Variants in USP7 observed in about 807,000 individuals in gnomAD.
The protein encoded by USP7 is ubiquitin C-terminal hydrolase 7.
Under a neutral mutation model 162.9 loss-of-function variants are expected in USP7, and 9 were observed. The ratio of observed to expected loss-of-function variants is 0.06; its 90% CI spans 0.03 to 0.10. The LOEUF is 0.10. Among genes scored for constraint, USP7 ranks in the 10% least tolerant of loss-of-function variants. The pLI, the probability that USP7 is intolerant of heterozygous loss-of-function variation, is 1.00. For synonymous variants in USP7, 562 were observed against 475.9 expected, an observed-to-expected ratio of 1.18 and a Z score of -2.35; for missense variants, 715 against 1,373.7, an observed-to-expected ratio of 0.52 and a Z score of 7.58.
chr16:8,940,951 A>G (rs1899016609), intron 1 of USP7, among the ~76,000 whole-genome samples: 1 of 152,130 alleles, frequency 6.6e-6, no homozygotes, highest in Non-Finnish European at 1.5e-5. Context: ...GGATACAATA[A>G]AGTCAGGAAT....
At chr16:8,904,591 AC>A in intron 14 of USP7, 26 bp from the exon 15 acceptor site, 1 of 1,611,564 alleles carries the variant, frequency 6.2e-7, no homozygotes. Context: ...ATCCTCTTTG[AC>A]CCCTGCAGAT....
At chr16:8,895,568 G>T in intron 27 of USP7, 74 bp downstream of exon 27, 3 of 1,223,344 alleles carry the variant, frequency 2.5e-6, no homozygotes, top group South Asian at 1.3e-5. Context: ...TGTACAACTT[G>T]CTGTGATATT....
chr16:8,934,460 A>C (rs1450419353), intron 1 of USP7, among the ~76,000 whole-genome samples: 1 of 152,262 alleles, frequency 6.6e-6, no homozygotes, highest in Non-Finnish European at 1.5e-5. Context: ...AACATCTTAC[A>C]GGATGGGGTG....
intron 2 of USP7, among the ~76,000 whole-genome samples, chr16:8,926,915 G>A (rs993828409): frequency 2.0e-5 from 3 of 152,158 alleles, no homozygotes; most frequent in African/African-American, 7.2e-5. Context: ...TTGTACCAGG[G>A]GCAGGGACAA....
intron 25 of USP7, among the ~76,000 whole-genome samples, chr16:8,897,512 G>A (rs1177615610): frequency 4.0e-5 from 6 of 151,354 alleles, no homozygotes; most frequent in African/African-American, 7.3e-5. Context: ...TTTATGTCTC[G>A]AATTTTCCCT....
At chr16:8,936,530 G>C in intron 1 of USP7, 2 of 1,481,342 alleles carry the variant, frequency 1.4e-6, no homozygotes, top group South Asian at 1.3e-5. Flanking sequence ...GTCAGTATTG[G>C]TTATCTCCAT....
At chr16:8,961,431 G>A (rs767223481) in intron 1 of USP7, among the ~76,000 whole-genome samples, 2 of 141,534 alleles carry the variant, frequency 1.4e-5, no homozygotes, top group African/African-American at 5.2e-5. Flanking sequence ...GACGGAGGTT[G>A]TAGTGACCCG....
At chr16:8,942,806 CAA>C (rs1027797513) in intron 1 of USP7, among the ~76,000 whole-genome samples, 45 of 152,304 alleles carry the variant, frequency 3.0e-4, no homozygotes, top group Admixed American at 2.3e-3. Flanking sequence ...GCTCGGCCTC[CAA>C]AAGTGTTGGG....
intron 30 of USP7, 109 bp downstream of exon 30, chr16:8,894,441 G>GGA: frequency 9.2e-7 from 1 of 1,091,076 alleles, no homozygotes; most frequent in Non-Finnish European, 1.3e-6. Context: ...GTCGGCCAGT[G>GGA]GAGAGAGAGG....
chr16:8,916,092 T>G (rs564052656), intron 8 of USP7, among the ~76,000 whole-genome samples: 2 of 152,342 alleles, frequency 1.3e-5, no homozygotes, highest in South Asian at 4.1e-4. Context: ...AATCACCGCA[T>G]GCTGAGGTCT....
At chr16:8,927,141 T>G (rs1000592865) in intron 2 of USP7, among the ~76,000 whole-genome samples, 16 of 151,834 alleles carry the variant, frequency 1.1e-4, no homozygotes, top group African/African-American at 3.9e-4. Flanking sequence ...GCCAACATAG[T>G]GAAACCCCGG....
chr16:8,921,602 G>C (rs960189026), intron 3 of USP7, among the ~76,000 whole-genome samples: 3 of 152,096 alleles, frequency 2.0e-5, no homozygotes, highest in Non-Finnish European at 4.4e-5. Context: ...TGCCGATATA[G>C]GGGTCACCTC....
At chr16:8,935,115 T>C (rs950683508) in intron 1 of USP7, among the ~76,000 whole-genome samples, 1 of 152,164 alleles carries the variant, frequency 6.6e-6, no homozygotes, top group African/African-American at 2.4e-5. Context: ...GTAAGAGTGA[T>C]GTAATACCAA....
intron 2 of USP7, among the ~76,000 whole-genome samples, chr16:8,925,520 T>C (rs1294207355): frequency 2.0e-5 from 3 of 152,200 alleles, no homozygotes; most frequent in Non-Finnish European, 4.4e-5. Flanking sequence ...TTTTGGAACT[T>C]TCACCCTATA....
intron 16 of USP7, among the ~76,000 whole-genome samples, chr16:8,902,896 C>G (rs1317285602): frequency 6.6e-6 from 1 of 152,024 alleles, no homozygotes; most frequent in African/African-American, 2.4e-5. Flanking sequence ...GAAAAAAAGA[C>G]TGTGATTCTA....
chr16:8,935,193 A>T (rs1433345655), intron 1 of USP7, among the ~76,000 whole-genome samples: 1 of 149,418 alleles, frequency 6.7e-6, no homozygotes, highest in Admixed American at 6.9e-5. Flanking sequence ...ACTTGAGCTA[A>T]GGCACTAATT....
chr16:8,927,330 A>G (rs766083555), intron 2 of USP7, among the ~76,000 whole-genome samples: 2 of 152,064 alleles, frequency 1.3e-5, no homozygotes, highest in Non-Finnish European at 2.9e-5. Context: ...GAAAAAAAAA[A>G]AGAAAGAAAG....
chr16:8,961,428 G>C (rs1036330475), intron 1 of USP7, among the ~76,000 whole-genome samples: 1 of 145,214 alleles, frequency 6.9e-6, no homozygotes, highest in Non-Finnish European at 1.5e-5. Flanking sequence ...GGAGACGGAG[G>C]TTGTAGTGAC....
At chr16:8,963,152 C>A in intron 1 of USP7, 55 bp downstream of exon 1, 2 of 1,354,276 alleles carry the variant, frequency 1.5e-6, no homozygotes, top group South Asian at 2.8e-5. Flanking sequence ...GCGGCTCCCC[C>A]GGCCACAATG....
Sources: gnomAD v4.1 joint callset for allele counts (sites outside exome capture counted in the v4.1 genomes callset) on GRCh38, gnomAD v4.1.1 for gene constraint, MANE v1.5 for transcripts, NCBI Gene and HGNC (gene_info 2026-07-23, HGNC 2026-07-21) for gene names.